Variants in FGF13 observed in about 807,000 individuals in gnomAD.
FGF13 encodes fibroblast growth factor homologous factor 2.
FGF13 carries 2 observed loss-of-function variants against 19.5 expected under a neutral mutation model. The ratio of observed to expected loss-of-function variants is 0.10; its 90% CI spans 0.04 to 0.32. FGF13 has a LOEUF of 0.32. Among genes scored for constraint, FGF13 ranks in the 10% least tolerant of loss-of-function variants. The pLI, the probability that FGF13 is intolerant of heterozygous loss-of-function variation, is 1.00. For synonymous variants in FGF13, 72 were observed against 76.9 expected (o/e 0.94, Z 0.33); for missense variants, 113 against 192.7 (o/e 0.59, Z 2.45).
chrX:139,119,963 G>A (rs2083665802), intron 1 of FGF13, among the ~76,000 whole-genome samples: 1 of 112,179 alleles, frequency 8.9e-6, no homozygotes, highest in East Asian at 2.9e-4. Context: ...GTAATTCCCA[G>A]AGGAAGAGAC....
intron 3 of FGF13, among the ~76,000 whole-genome samples, chrX:138,787,716 C>A (rs907557115): frequency 1.5e-4 from 17 of 109,830 alleles, no homozygotes; most frequent in Non-Finnish European, 2.1e-4. Flanking sequence ...CTTTGCCCCC[C>A]ACCCCCCAAC....
intron 1 of FGF13, among the ~76,000 whole-genome samples, chrX:138,890,566 A>T (rs2091471942): frequency 8.9e-6 from 1 of 111,956 alleles, no homozygotes; most frequent in Non-Finnish European, 1.9e-5. Context: ...CCTTGTGAGG[A>T]AGGTACTATT....
At chrX:138,801,870 C>A (rs1437404163) in intron 3 of FGF13, among the ~76,000 whole-genome samples, 1 of 112,048 alleles carries the variant, frequency 8.9e-6, no homozygotes, top group Admixed American at 9.4e-5. Context: ...TCCCAGCCTT[C>A]TTAGCACTGT....
intron 4 of FGF13, among the ~76,000 whole-genome samples, chrX:138,633,986 C>T (rs1168959893): frequency 9.0e-6 from 1 of 111,400 alleles, no homozygotes; most frequent in Admixed American, 9.5e-5. Flanking sequence ...CTGCTTTGCC[C>T]GCATTTTCTG....
intron 3 of FGF13, among the ~76,000 whole-genome samples, chrX:138,800,515 T>C (rs1386861493): frequency 9.0e-6 from 1 of 111,651 alleles, no homozygotes; most frequent in Non-Finnish European, 1.9e-5. Context: ...CATGTTTTCC[T>C]TTGCTTTGAC....
chrX:138,911,501 T>C (rs2091587711), intron 1 of FGF13, among the ~76,000 whole-genome samples: 1 of 110,406 alleles, frequency 9.1e-6, no homozygotes, highest in African/African-American at 3.3e-5. Flanking sequence ...TTAGGAAAAA[T>C]AATTAATGGA....
At chrX:138,910,780 C>T (rs1385502203) in intron 1 of FGF13, among the ~76,000 whole-genome samples, 1 of 112,189 alleles carries the variant, frequency 8.9e-6, no homozygotes, top group African/African-American at 3.2e-5. Context: ...ACATGACAGA[C>T]ATTATATTTA....
At chrX:138,920,201 T>C (rs2091637740) in intron 1 of FGF13, among the ~76,000 whole-genome samples, 1 of 111,067 alleles carries the variant, frequency 9.0e-6, no homozygotes, top group Admixed American at 9.6e-5. Context: ...AAAAAACAGG[T>C]TTGAAGTCAA....
chrX:138,823,590 T>C (rs780946620), intron 3 of FGF13, among the ~76,000 whole-genome samples: 26 of 112,069 alleles, frequency 2.3e-4, no homozygotes, highest in Admixed American at 7.5e-4. Context: ...CCTGCAACAA[T>C]GGGATTCAAG....
chrX:138,902,633 T>C (rs767228104), intron 1 of FGF13, among the ~76,000 whole-genome samples: 1 of 111,783 alleles, frequency 8.9e-6, no homozygotes, highest in Non-Finnish European at 1.9e-5. Flanking sequence ...GTAGAAAGGA[T>C]AAAAGAGGAG....
intron 1 of FGF13, among the ~76,000 whole-genome samples, chrX:139,022,474 T>G (rs947027472): frequency 1.8e-4 from 20 of 111,940 alleles, no homozygotes; most frequent in African/African-American, 6.5e-4. Flanking sequence ...TTCCGTTGGC[T>G]TCCCTCTACT....
At chrX:138,949,619 T>C (rs1290846777) in intron 1 of FGF13, among the ~76,000 whole-genome samples, 1 of 111,846 alleles carries the variant, frequency 8.9e-6, no homozygotes, top group Non-Finnish European at 1.9e-5. Context: ...CGGATGTGAA[T>C]TTAGGGGGAA....
chrX:138,762,660 G>A (rs2090475939), intron 3 of FGF13, among the ~76,000 whole-genome samples: 1 of 111,515 alleles, frequency 9.0e-6, no homozygotes. Flanking sequence ...AACAAGCTAT[G>A]CAACAATAGG....
chrX:138,975,635 C>T (rs890409193), intron 1 of FGF13, among the ~76,000 whole-genome samples: 5 of 111,284 alleles, frequency 4.5e-5, no homozygotes, highest in African/African-American at 1.6e-4. Context: ...ATGGGTAGTT[C>T]TTTTGTCACA....
chrX:139,099,933 T>C (rs1006029741), intron 1 of FGF13, among the ~76,000 whole-genome samples: 1 of 110,080 alleles, frequency 9.1e-6, no homozygotes, highest in African/African-American at 3.3e-5. Context: ...CCTGAAATAC[T>C]GGTGGCAGCA....
intron 3 of FGF13, among the ~76,000 whole-genome samples, chrX:138,665,173 A>G (rs1247539450): frequency 9.0e-6 from 1 of 110,626 alleles, no homozygotes; most frequent in African/African-American, 3.3e-5. Context: ...AGATTCCTCC[A>G]CTCAAAACTA....
intron 3 of FGF13, among the ~76,000 whole-genome samples, chrX:138,776,221 G>A (rs1012788732): frequency 2.7e-5 from 3 of 112,179 alleles, no homozygotes; most frequent in Non-Finnish European, 5.6e-5. Flanking sequence ...TTGGCAAATT[G>A]TGACCTATGA....
chrX:139,189,065 C>CCA (rs3048351), intron 1 of FGF13, among the ~76,000 whole-genome samples: 382 of 102,706 alleles, frequency 3.7e-3, no homozygotes, highest in South Asian at 0.023. Flanking sequence ...TTCATTGTTT[C>CCA]CACACACACA....
chrX:139,173,451 G>T (rs1413574372), intron 1 of FGF13, among the ~76,000 whole-genome samples: 2 of 110,151 alleles, frequency 1.8e-5, no homozygotes, highest in African/African-American at 6.6e-5. Flanking sequence ...TGGGCAGAAC[G>T]TGCAGGTTTG....
Sources: allele counts gnomAD v4.1 joint callset (sites outside exome capture counted in the v4.1 genomes callset), GRCh38; gene constraint gnomAD v4.1.1; transcripts MANE v1.5; gene names NCBI Gene and HGNC (gene_info 2026-07-23, HGNC 2026-07-21).